Variants in FANCA observed in about 807,000 individuals in gnomAD.
The protein encoded by FANCA is FA complementation group A.
FANCA carries 236 observed loss-of-function variants against 194.3 expected under a neutral mutation model. That is an observed-to-expected ratio of 1.21 (90% CI 1.09 to 1.35). FANCA has a LOEUF of 1.35. Ranked by LOEUF, FANCA falls within the 40% of genes most tolerant of loss-of-function variation. The pLI is 0.00. For synonymous variants in FANCA, 1,014 were observed against 715.8 expected (o/e 1.42, Z -6.65); for missense variants, 2,628 against 1,813.9 (o/e 1.45, Z -8.15).
At chr16:89,810,658 G>A (rs2040841311) in intron 5 of FANCA, 49 bp downstream of exon 5, 1 of 1,225,512 alleles carries the variant, frequency 8.2e-7, no homozygotes, top group African/African-American at 1.5e-5. Flanking sequence ...CAGATCAACA[G>A]AACATTGCCT....
At chr16:89,780,582 C>T (rs1209670745) in intron 17 of FANCA, among the ~76,000 whole-genome samples, 1 of 151,290 alleles carries the variant, frequency 6.6e-6, no homozygotes, top group Non-Finnish European at 1.5e-5. Context: ...CATCATCATG[C>T]TACCCTACTG....
Position 89,812,666 on chromosome 16 carries a change from A to AAAAAC in FANCA, c.284-1600_284-1596dup, listed in dbSNP as rs1555576962. Reference sequence around the variant, plus strand: ...CGTCTCAAAAAAAAAAAAAAAAAAAAAAAACTGTTAACTGCAGTACGAACC... The same window carrying AAAAAC: ...CGTCTCAAAAAAAAAAAAAAAAAAAAAAAACAAAACTGTTAACTGCAGTACGAACC... On this transcript the variant is annotated intron_variant, in intron 3 of 42. Transcript: ENST00000389301. 3.3e-3 allele frequency among the ~76,000 whole-genome samples: 491 copies of AAAAAC among 147,764 alleles called. 6 individuals are homozygous for AAAAAC. Among genetic ancestry groups the AAAAAC allele is most frequent in the South Asian group, 0.024 (106 of 4,378 alleles).
At chr16:89,754,342 T>C (rs2038702405) in intron 30 of FANCA, among the ~76,000 whole-genome samples, 1 of 152,110 alleles carries the variant, frequency 6.6e-6, no homozygotes. Flanking sequence ...AAAGTGAAAC[T>C]ATCTCTCTTC....
At chr16:89,803,095 A>G (rs2040513062) in intron 8 of FANCA, among the ~76,000 whole-genome samples, 164 bp downstream of exon 8, 1 of 152,186 alleles carries the variant, frequency 6.6e-6, no homozygotes, top group Non-Finnish European at 1.5e-5. Context: ...GACTCTAAAC[A>G]CCCTGACTTG....
intron 28 of FANCA, chr16:89,762,819 G>A (rs1268730443): frequency 2.3e-6 from 1 of 441,720 alleles, no homozygotes; most frequent in Non-Finnish European, 4.5e-6. Context: ...ACATTTTTAG[G>A]AGGCCGAGCA....
At chr16:89,815,136 A>C (rs2041054037) in intron 2 of FANCA, among the ~76,000 whole-genome samples, 1 of 151,820 alleles carries the variant, frequency 6.6e-6, no homozygotes, top group African/African-American at 2.4e-5. Context: ...TCCCAGGTTC[A>C]AGCGATTCTC....
Position 89,773,389 on chromosome 16 carries a change from GAGA to G in FANCA, c.1901-8_1901-6del, listed in dbSNP as rs1263015757. The G allele has an allele frequency of 7.1e-6, 11 of 1,545,222 alleles. No individual in the cohort carries two copies. Among genetic ancestry groups the G allele is most frequent in the African/African-American group, 6.9e-5 (5 of 72,900 alleles). On this transcript the variant is annotated splice_polypyrimidine_tract_variant and splice_region_variant and intron_variant, in intron 21 of 42. Coordinates refer to ENST00000389301, the MANE Select transcript of FANCA (RefSeq NM_000135.4). ...CCCTCACTCCCAGGGCTGCATCTGT[GAGA>G]AGAAGGAAGAAACCAGATGGAAAGA...
At chr16:89,790,418 AAAATAAAT>A (rs145845651) in intron 14 of FANCA, among the ~76,000 whole-genome samples, 4 of 148,998 alleles carry the variant, frequency 2.7e-5, no homozygotes, top group Non-Finnish European at 3.0e-5. Flanking sequence ...GTAAATAAAT[AAAATAAAT>A]AAATAAATAA....
At chr16:89,768,588 G>A (rs1332272434) in intron 26 of FANCA, among the ~76,000 whole-genome samples, 11 of 151,980 alleles carry the variant, frequency 7.2e-5, no homozygotes, top group South Asian at 2.1e-4. Context: ...CCCGGGAGGC[G>A]GAGGTTACAG....
At chr16:89,810,062 C>T (rs2040817033) in intron 5 of FANCA, among the ~76,000 whole-genome samples, 1 of 151,748 alleles carries the variant, frequency 6.6e-6, no homozygotes, top group Non-Finnish European at 1.5e-5. Context: ...GTGGCTCACA[C>T]TTGTAATCCC....
chr16:89,814,540 T>C lies in FANCA; in HGVS notation c.263A>G (p.Asn88Ser). 1 of 1,613,106 alleles carries C rather than the reference T, an allele frequency of 6.2e-7. No homozygotes were observed. Among genetic ancestry groups the C allele is most frequent in the Non-Finnish European group, 8.5e-7 (1 of 1,179,096 alleles). Reference protein sequence around the residue: ...IDCDSSEAYANHSSSFIGSAL... With the variant: ...IDCDSSEAYASHSSSFIGSAL... ...CTTACCTATAAATGAACTAGAATGA[T>C]TAGCATAGGCCTCAGAACTGTCACA... Residue 88 changes from asparagine to serine, a missense_variant, in exon 3 of 43, where the codon AAT (asparagine) becomes AGT (serine). Physicochemically the swap from Asn to Ser is conservative, Grantham distance 46. Coordinates refer to ENST00000389301, the MANE Select transcript of FANCA (RefSeq NM_000135.4).
intron 12 of FANCA, 43 bp downstream of exon 12, chr16:89,792,428 C>T (rs765598586): frequency 6.3e-7 from 1 of 1,586,928 alleles, no homozygotes; most frequent in Non-Finnish European, 8.6e-7. Context: ...CTTAATCCCC[C>T]CGCCACGAGC....
chr16:89,788,885 T>A (rs993162778), intron 14 of FANCA, among the ~76,000 whole-genome samples: 3 of 152,188 alleles, frequency 2.0e-5, no homozygotes, highest in Admixed American at 6.6e-5. Context: ...AACTATATTT[T>A]GATAAAGTTG....
chr16:89,772,249 G>A (rs1021247312), intron 22 of FANCA, among the ~76,000 whole-genome samples: 1 of 152,230 alleles, frequency 6.6e-6, no homozygotes, highest in Non-Finnish European at 1.5e-5. Context: ...CACCTGACAT[G>A]TATCAACCTC....
intron 39 of FANCA, 35 bp downstream of exon 39, chr16:89,739,959 C>T: frequency 1.2e-6 from 2 of 1,612,146 alleles, no homozygotes; most frequent in South Asian, 1.1e-5. Context: ...AAAGAGCGGC[C>T]CTCCGCATTT....
In FANCA at chr16:89,808,319, C is replaced by G; in HGVS notation, c.571G>C (p.Val191Leu). 1 of 1,614,142 alleles carries G rather than the reference C, an allele frequency of 6.2e-7. No homozygotes were observed. The highest frequency in any genetic ancestry group is 8.5e-7 in the Non-Finnish European group (1 of 1,180,014). ...CTTTCCAGCAGCTCTTGCAGGCTCA[C>G]AATGCCTTGTACGTGAAGATGCCAC... is the stretch of plus-strand genomic sequence containing the variant. ...AVWHLHVQGI[V>L]SLQELLESHP... Residue 191 changes from valine to leucine, a missense_variant, in exon 6 of 43, where the codon GTG becomes CTG. By Grantham distance (32) the Val-to-Leu change is conservative. Transcript: ENST00000389301.
intron 7 of FANCA, among the ~76,000 whole-genome samples, chr16:89,804,424 G>A (rs534691009): frequency 7.2e-5 from 11 of 152,238 alleles, no homozygotes; most frequent in Admixed American, 3.3e-4. Flanking sequence ...GTGGTGGGGC[G>A]GTTCTCTAGA....
intron 10 of FANCA, chr16:89,798,893 G>A: frequency 1.9e-6 from 3 of 1,583,680 alleles, no homozygotes; most frequent in South Asian, 1.1e-5. Context: ...CACAGTGAGT[G>A]GGACAAACAT....
chr16:89,796,228 G>A (rs773985284), intron 10 of FANCA, among the ~76,000 whole-genome samples: 1 of 152,186 alleles, frequency 6.6e-6, no homozygotes, highest in Non-Finnish European at 1.5e-5. Flanking sequence ...CGAAACCCAC[G>A]GAGCAGAGAA....
Sources: allele counts gnomAD v4.1 joint callset (sites outside exome capture counted in the v4.1 genomes callset), GRCh38; gene constraint gnomAD v4.1.1; transcripts MANE v1.5; gene names NCBI Gene and HGNC (gene_info 2026-07-23, HGNC 2026-07-21).